The following UTP14A variants were observed in gnomAD, a reference collection of about 807,000 sequenced individuals.
The protein encoded by UTP14A is U3 small nucleolar RNA-associated protein 14 homolog A.
A neutral mutation model predicts 57.2 loss-of-function variants in UTP14A; 5 were observed. The ratio of observed to expected loss-of-function variants is 0.09; its 90% CI spans 0.05 to 0.18. The LOEUF is 0.18. Ranked by LOEUF, UTP14A falls within the 10% of genes least tolerant of loss-of-function variation. The pLI, the probability that UTP14A is intolerant of heterozygous loss-of-function variation, is 1.00. For missense variants in UTP14A, 430 were observed against 562.1 expected, an observed-to-expected ratio of 0.76 and a Z score of 2.38; for synonymous variants, 169 against 210.9, an observed-to-expected ratio of 0.80 and a Z score of 1.72.
intron 11 of UTP14A, among the ~76,000 whole-genome samples, chrX:129,924,390 G>C (rs1424065013): frequency 9.4e-6 from 1 of 106,552 alleles, no homozygotes; most frequent in Non-Finnish European, 1.9e-5. Context: ...TGGTTCAAGT[G>C]ATTCTCCTGC....
At chrX:129,911,281 G>C in intron 5 of UTP14A, 131 bp downstream of exon 5, 4 of 916,028 alleles carry the variant, frequency 4.4e-6, no homozygotes, top group Non-Finnish European at 5.9e-6. Context: ...CTATGGATAA[G>C]ATTAAAAATA....
intron 1 of UTP14A, among the ~76,000 whole-genome samples, chrX:129,906,772 C>T (rs1255338758): frequency 9.2e-6 from 1 of 108,949 alleles, no homozygotes; most frequent in Admixed American, 1.0e-4. Context: ...GTACCAATCT[C>T]CTTAGTTAAG....
At chrX:129,922,467 G>A (rs980402090) in intron 11 of UTP14A, 1 of 111,480 alleles carries the variant, frequency 9.0e-6, no homozygotes, top group Non-Finnish European at 1.9e-5. Flanking sequence ...CTGTCATCCA[G>A]GCTGGAATAC....
At chrX:129,920,645 T>C (rs1231777522) in intron 9 of UTP14A, 30 bp from the exon 10 acceptor site, 1 of 1,091,723 alleles carries the variant, frequency 9.2e-7, no homozygotes, top group Admixed American at 2.5e-5. Flanking sequence ...GCACTAAAGA[T>C]GTAAATCTCA....
Position 129,925,070 on chromosome X carries a change from C to G in UTP14A, c.1624C>G (p.Pro542Ala). 1.7e-6 allele frequency: 2 copies of G among 1,211,229 alleles called. No individual in the cohort carries two copies. The highest frequency in any genetic ancestry group is 2.2e-6 in the Non-Finnish European group (2 of 895,425). Reference sequence around the variant, plus strand: ...AGAAGGGCAGCAGTCAGAGAGGACCCCAAATAATCGCCCTGATGCCCCTAA... The same window carrying G: ...AGAAGGGCAGCAGTCAGAGAGGACCGCAAATAATCGCCCTGATGCCCCTAA... ...VLEGQQSERT[P>A]NNRPDAPKEK... The change falls in exon 12 of 15, where the codon CCA becomes GCA. Residue 542 changes from proline (P) to alanine (A), a missense_variant. Around this residue, in one of 4 missense-constraint regions of UTP14A, gnomAD observed 120 missense variants for 116.8 expected, o/e 1.03. Transcript: ENST00000394422.
At position 129,926,262 on chromosome X, in the gene UTP14A, G is replaced by A; in HGVS notation, c.1966G>A (p.Gly656Ser). The change falls in exon 14 of 15, where the codon GGT (glycine) becomes AGT (serine). Residue 656 changes from glycine to serine, a missense_variant. Around this residue, in one of 4 missense-constraint regions of UTP14A, gnomAD observed 82 missense variants for 151.4 expected, o/e 0.54. Transcript: ENST00000394422. ...RRRFLIKAPE[G>S]PPRKDKNLPN... Reference sequence around the variant, plus strand: ...CAGGTTTCTCATTAAAGCCCCTGAGGGTCCTCCAAGAAAAGATAAGAATTT... The same window carrying A: ...CAGGTTTCTCATTAAAGCCCCTGAGAGTCCTCCAAGAAAAGATAAGAATTT... 8.3e-7 allele frequency: 1 copy of A among 1,211,478 alleles called. No individual in the cohort carries two copies. Among genetic ancestry groups the A allele is most frequent in the Admixed American group, 2.2e-5 (1 of 45,980 alleles).
At chrX:129,917,307 T>C (rs185074077) in intron 6 of UTP14A, among the ~76,000 whole-genome samples, 47 of 112,588 alleles carry the variant, frequency 4.2e-4, no homozygotes, top group Non-Finnish European at 8.1e-4. Context: ...AGTTTTATGG[T>C]TAAATCAATA....
rs765078764 is a variant in UTP14A at position 129,912,069 on chromosome X, A to G, written c.537+148A>G. ...CAGAAAGAAGGGGTTGCCCATCGTC[A>G]TTGTCAGTCATGTGATAGCCAGTCA... On this transcript the variant is annotated intron_variant, in intron 6 of 14. Transcript: ENST00000394422. 154 of 679,222 alleles carry G rather than the reference A, an allele frequency of 2.3e-4. No homozygotes were observed. In the South Asian group the frequency reaches 2.6e-3, roughly 12 times the overall value. 56.0% of individuals were successfully genotyped at this position (679,222 alleles called of 1,213,427 possible). A position where few individuals can be genotyped will look rare whatever the true frequency, so the allele number is the denominator to read the frequency against.
rs774455584 is a variant in UTP14A at position 129,906,205 on chromosome X, G to A, written c.-6G>A. ...TTGGTCCATGTGAGAGAAGCTGGCTGCTGAAATGACTGCGAACCGGCTTGC... is the reference window on the plus strand; with the variant it reads ...TTGGTCCATGTGAGAGAAGCTGGCTACTGAAATGACTGCGAACCGGCTTGC... On this transcript the variant is annotated 5_prime_UTR_variant, in exon 1 of 15. Transcript: ENST00000394422. 8 of 1,208,880 alleles carry A rather than the reference G, an allele frequency of 6.6e-6. No homozygotes were observed. Among genetic ancestry groups the A allele is most frequent in the Non-Finnish European group, 8.9e-6 (8 of 894,653 alleles).
chrX:129,921,850 AC>A, intron 11 of UTP14A: 1 of 326,332 alleles, frequency 3.1e-6, no homozygotes, highest in Admixed American at 5.5e-5. Flanking sequence ...GCCTTCAGAA[AC>A]CCATAATAAC....
At chrX:129,924,290 T>TC (rs1358155725) in intron 11 of UTP14A, among the ~76,000 whole-genome samples, 97 of 100,253 alleles carry the variant, frequency 9.7e-4, no homozygotes, top group African/African-American at 3.4e-3. Flanking sequence ...CTACTTTTTT[T>TC]TTTTTTTTTT....
chrX:129,925,793 C>A, intron 12 of UTP14A, 126 bp from the exon 13 acceptor site: 1 of 854,069 alleles, frequency 1.2e-6, no homozygotes, highest in Non-Finnish European at 1.6e-6. Flanking sequence ...GTTTGTATCG[C>A]AAGACCATCA....
Position 129,906,275 on chromosome X carries a change from T to C in UTP14A, c.26+39T>C, listed in dbSNP as rs767142337. The C allele has an allele frequency of 6.8e-6, 8 of 1,180,057 alleles. No individual in the cohort carries two copies. The East Asian group carries it at 1.5e-4, about 23-fold the overall frequency. Reference sequence around the variant, plus strand: ...AGGGGAGGGGGGATTCTGGGTCTCGTTGGGGGCCGGGTTCCCCAGCTTTTG... The same window carrying C: ...AGGGGAGGGGGGATTCTGGGTCTCGCTGGGGGCCGGGTTCCCCAGCTTTTG... On this transcript the variant is annotated intron_variant, in intron 1 of 14. Coordinates refer to ENST00000394422, the MANE Select transcript of UTP14A (RefSeq NM_006649.4).
chrX:129,918,817 C>A (rs1929794818), intron 6 of UTP14A, among the ~76,000 whole-genome samples: 1 of 109,149 alleles, frequency 9.2e-6, no homozygotes, highest in Admixed American at 9.8e-5. Flanking sequence ...GCGGAGCTTG[C>A]AGTGAGCCGA....
At chrX:129,906,311 GC>G (rs201893793) in intron 1 of UTP14A, 75 bp downstream of exon 1, 5 of 1,041,006 alleles carry the variant, frequency 4.8e-6, no homozygotes, top group East Asian at 3.1e-5. Context: ...GGAAATGGGA[GC>G]CCCCCCTTTA....
intron 3 of UTP14A, 46 bp from the exon 4 acceptor site, chrX:129,908,624 C>T: frequency 8.8e-7 from 1 of 1,140,277 alleles, no homozygotes; most frequent in Non-Finnish European, 1.2e-6. Flanking sequence ...CCCCAAGCCC[C>T]CATAAAATTT....
intron 1 of UTP14A, 94 bp from the exon 2 acceptor site, chrX:129,907,273 T>C (rs1200552695): frequency 5.7e-6 from 4 of 698,315 alleles, no homozygotes; most frequent in Non-Finnish European, 8.3e-6. Flanking sequence ...ATTTCTTTTT[T>C]TAATTTCGAC....
Position 129,929,466 on chromosome X carries a change from C to T in UTP14A, c.2174C>T (p.Pro725Leu). 8.3e-7 allele frequency: 1 copy of T among 1,211,856 alleles called. No homozygotes were observed. Among genetic ancestry groups the T allele is most frequent in the African/African-American group, 1.7e-5 (1 of 57,763 alleles). Reference protein sequence around the residue: ...KLTTPKVVTKPGHIINPIKAE... With the variant: ...KLTTPKVVTKLGHIINPIKAE... ...ACTACTCCCAAGGTCGTCACCAAGC[C>T]AGGCCATATCATTAACCCCATAAAA... The change falls in exon 15 of 15, where the codon CCA becomes CTA. Residue 725 changes from proline (P) to leucine (L), a missense_variant. Pro to Leu is a moderately conservative substitution (Grantham distance 98). Transcript: ENST00000394422.
At position 129,907,458 on chromosome X, in the gene UTP14A, T is replaced by C. The variant is rs368128466; in HGVS notation, c.102+16T>C. On this transcript the variant is annotated intron_variant, in intron 2 of 14. Transcript: ENST00000394422. ...TGAAGATGAGGTGGGTGACAATTGC[T>C]AAACTGCCTTCAAAATTAGGGTAGA... is the stretch of plus-strand genomic sequence containing the variant. 2 of 1,185,287 alleles carry C rather than the reference T, an allele frequency of 1.7e-6. No homozygotes were observed. The highest frequency in any genetic ancestry group is 3.5e-5 in the African/African-American group (2 of 57,070).
Sources: allele counts gnomAD v4.1 joint callset (sites outside exome capture counted in the v4.1 genomes callset), GRCh38; gene constraint gnomAD v4.1.1; regional missense constraint gnomAD v4.1.1; transcripts MANE v1.5; gene names NCBI Gene and HGNC (gene_info 2026-07-23, HGNC 2026-07-21).